Variants in TANC2 observed in about 807,000 individuals in gnomAD.
TANC2 encodes tetratricopeptide repeat, ankyrin repeat and coiled-coil containing 2, also known as protein TANC2.
TANC2 carries 26 observed loss-of-function variants against 210.5 expected under a neutral mutation model. The ratio of observed to expected loss-of-function variants is 0.12; its 90% CI spans 0.09 to 0.17. The LOEUF is 0.17. TANC2 is among the 10% of genes least tolerant of loss of function. The pLI is 1.00. For missense variants in TANC2, 2,129 were observed against 2,608.9 expected (o/e 0.82, Z 4.01); for synonymous variants, 931 against 967.1 (o/e 0.96, Z 0.69).
chr17:63,078,900 A>G (rs894005422), intron 3 of TANC2, among the ~76,000 whole-genome samples: 19 of 152,220 alleles, frequency 1.2e-4, no homozygotes, highest in African/African-American at 4.3e-4. Flanking sequence ...TGTCAACCTG[A>G]TCACGTTGAT....
chr17:63,146,837 T>A (rs886622587), intron 4 of TANC2, among the ~76,000 whole-genome samples: 7 of 152,204 alleles, frequency 4.6e-5, no homozygotes, highest in Admixed American at 4.6e-4. Context: ...GTGTGATGAA[T>A]CTGATTGCTC....
At chr17:63,406,408 A>G (rs917410471) in intron 21 of TANC2, 131 bp downstream of exon 21, 5 of 1,258,536 alleles carry the variant, frequency 4.0e-6, no homozygotes, top group Non-Finnish European at 5.6e-6. Context: ...ATGAAAGGCT[A>G]TCTCCTCCCC....
intron 3 of TANC2, among the ~76,000 whole-genome samples, chr17:63,091,059 G>GT (rs1324540547): frequency 0.036 from 5,127 of 141,190 alleles, 140 homozygotes; most frequent in African/African-American, 0.081. Flanking sequence ...GGGGTTGTTT[G>GT]TTTTTTTTTT....
chr17:63,195,818 A>C (rs1287951498), intron 6 of TANC2, among the ~76,000 whole-genome samples: 1 of 151,996 alleles, frequency 6.6e-6, no homozygotes, highest in East Asian at 1.9e-4. Context: ...ATAAAATCTA[A>C]AATCTTTACT....
chr17:63,272,905 A>G (rs2043757220), intron 9 of TANC2, among the ~76,000 whole-genome samples: 1 of 152,060 alleles, frequency 6.6e-6, no homozygotes, highest in Admixed American at 6.6e-5. Context: ...TTGATTGGGA[A>G]CTTCATATAG....
intron 12 of TANC2, among the ~76,000 whole-genome samples, chr17:63,349,729 T>C (rs946561895): frequency 1.3e-5 from 2 of 152,062 alleles, no homozygotes; most frequent in Admixed American, 1.3e-4. Flanking sequence ...ACTAGAAAAT[T>C]CCTCTATGGA....
intron 8 of TANC2, among the ~76,000 whole-genome samples, chr17:63,251,586 G>A (rs1251392686): frequency 6.6e-6 from 1 of 152,074 alleles, no homozygotes. Flanking sequence ...AAGAAAAAAA[G>A]GCAGTGGAAA....
At chr17:63,221,912 C>T (rs1427673741) in intron 7 of TANC2, among the ~76,000 whole-genome samples, 1 of 152,088 alleles carries the variant, frequency 6.6e-6, no homozygotes, top group African/African-American at 2.4e-5. Context: ...TACAAGAGAG[C>T]AAGAAAATCA....
chr17:63,229,911 A>G (rs1207731336), intron 7 of TANC2, among the ~76,000 whole-genome samples: 6 of 151,798 alleles, frequency 4.0e-5, no homozygotes, highest in Non-Finnish European at 8.8e-5. Context: ...TTCATGCCTC[A>G]GCCTCCTGAG....
chr17:63,001,035 C>T (rs1013267713), intron 1 of TANC2, among the ~76,000 whole-genome samples: 1 of 150,258 alleles, frequency 6.7e-6, no homozygotes, highest in Non-Finnish European at 1.5e-5. Context: ...ATGCCACCCA[C>T]CAAAATATTT....
chr17:63,153,713 G>A (rs894047122), intron 5 of TANC2: 1 of 152,142 alleles, frequency 6.6e-6, no homozygotes, highest in African/African-American at 2.4e-5. Context: ...AAAGTCTTTG[G>A]GGTTCCTTCT....
At chr17:63,395,816 A>G (rs754420162) in exon 18 of TANC2, 6 of 1,613,276 alleles carry the variant, frequency 3.7e-6, no homozygotes, top group South Asian at 3.3e-5. Flanking sequence ...GAGGTTGTCA[A>G]GTTTTTGATT....
chr17:63,050,355 T>G (rs1179034362), intron 2 of TANC2, among the ~76,000 whole-genome samples: 1 of 145,182 alleles, frequency 6.9e-6, no homozygotes, highest in Admixed American at 6.8e-5. Context: ...AGACCCTGTT[T>G]CAAGAAAAAA....
At chr17:63,393,923 AC>A (rs974691324) in intron 17 of TANC2, among the ~76,000 whole-genome samples, 1 of 151,864 alleles carries the variant, frequency 6.6e-6, no homozygotes, top group Non-Finnish European at 1.5e-5. Flanking sequence ...GGCACCCACC[AC>A]CACACCCAGC....
intron 7 of TANC2, among the ~76,000 whole-genome samples, chr17:63,212,210 CTG>C (rs1275302728): frequency 6.6e-6 from 1 of 152,124 alleles, no homozygotes; most frequent in Non-Finnish European, 1.5e-5. Flanking sequence ...CTTAGAGTGA[CTG>C]TTGGGTACAA....
chr17:63,417,270 G>A (rs2048893074), intron 26 of TANC2, among the ~76,000 whole-genome samples: 1 of 152,098 alleles, frequency 6.6e-6, no homozygotes, highest in Non-Finnish European at 1.5e-5. Context: ...TCTGCCCAAG[G>A]CCTTGTTTTC....
At chr17:63,055,771 A>G (rs1218168204) in intron 2 of TANC2, among the ~76,000 whole-genome samples, 1 of 150,768 alleles carries the variant, frequency 6.6e-6, no homozygotes, top group East Asian at 2.0e-4. Flanking sequence ...AAAAACTTTA[A>G]AGTACTGTGT....
intron 2 of TANC2, among the ~76,000 whole-genome samples, chr17:63,046,323 C>CCCT (rs2035378273): frequency 2.2e-5 from 1 of 46,358 alleles, no homozygotes; most frequent in Non-Finnish European, 3.8e-5. Context: ...CCACACCCAG[C>CCCT]TCTTTTTTTT....
Position 63,421,383 on chromosome 17 carries a change from C to T in TANC2, c.5653C>T (p.Pro1885Ser), listed in dbSNP as rs369925559. ...CTCCAACCTAACTCCGACCTTCCGG[C>T]CATCTTCTTCCATCCAGCAAATGGA... The change falls in exon 28 of 28, where the codon CCA becomes TCA. Residue 1885 changes from proline (P) to serine (S), a missense_variant. Transcript: ENST00000689528. This position sits in a 1 kb window ranked among gnomAD's most constrained non-coding sequence, Gnocchi z 6.9. 1.5e-5 allele frequency: 24 copies of T among 1,613,872 alleles called. No individual in the cohort carries two copies. The highest frequency in any genetic ancestry group is 1.9e-5 in the Non-Finnish European group (23 of 1,179,880).
Sources: gnomAD v4.1 joint callset for allele counts (sites outside exome capture counted in the v4.1 genomes callset) on GRCh38, gnomAD v4.1.1 for gene constraint, Gnocchi (gnomAD v3.1) non-coding constraint, MANE v1.5 for transcripts, NCBI Gene and HGNC (gene_info 2026-07-23, HGNC 2026-07-21) for gene names.